Variants in MLLT3 observed in about 807,000 individuals in gnomAD.
MLLT3 encodes protein AF-9.
Under a neutral mutation model 53.2 loss-of-function variants are expected in MLLT3, and 4 were observed. The observed-to-expected ratio is 0.08, with a 90% CI of 0.04 to 0.17. The LOEUF (loss-of-function observed/expected upper bound fraction) is 0.17, where lower values mean the gene tolerates loss of function less well. MLLT3 is among the 10% of genes least tolerant of loss of function. The pLI is 1.00. For missense variants in MLLT3, 569 were observed against 684.0 expected, an observed-to-expected ratio of 0.83 and a Z score of 1.87; for synonymous variants, 283 against 230.6, an observed-to-expected ratio of 1.23 and a Z score of -2.06.
At chr9:20,415,609 G>C (rs1163254525) in intron 4 of MLLT3, among the ~76,000 whole-genome samples, 1 of 151,904 alleles carries the variant, frequency 6.6e-6, no homozygotes, top group Non-Finnish European at 1.5e-5. Flanking sequence ...ACATCTTCAG[G>C]CTTGCTTATT....
At position 20,347,075 on chromosome 9, in the gene MLLT3, CAA is replaced by C. The variant is rs11295975; in HGVS notation, c.1576-503_1576-502del. ...ATAATTTGGAAAATACAGGAACTCC[CAA>C]AAAAAAAAAAAAAAAAAAAGGAAAA... is the stretch of plus-strand genomic sequence containing the variant. On this transcript the variant is annotated intron_variant, in intron 10 of 10. Transcript: ENST00000380338. 7.9e-3 allele frequency among the ~76,000 whole-genome samples: 656 copies of C among 82,996 alleles called. 5 individuals carry two copies. The highest frequency in any genetic ancestry group is 0.021 in the African/African-American group (567 of 27,070). 54.4% of individuals were successfully genotyped at this position (82,996 alleles called of 152,430 possible). A position where few individuals can be genotyped will look rare whatever the true frequency, so the allele number is the denominator to read the frequency against.
chr9:20,424,923 T>C (rs529541449), intron 4 of MLLT3, among the ~76,000 whole-genome samples: 4 of 152,298 alleles, frequency 2.6e-5, no homozygotes, highest in African/African-American at 9.6e-5. Context: ...AAATAACATG[T>C]ATATGCAATG....
rs1820869203 is a variant in MLLT3 at position 20,346,392 on chromosome 9, AACCAAAAAAAAAAAAC to A, written c.*35_*50del. On this transcript the variant is annotated 3_prime_UTR_variant, in exon 11 of 11. Coordinates refer to ENST00000380338, the MANE Select transcript of MLLT3 (RefSeq NM_004529.4). ...AAAAATCACAACCAAAAAAAAAAAA[AACCAAAAAAAAAAAAC>A]ACAATAGTTCTTGATGCATCCAGTT... is the stretch of plus-strand genomic sequence containing the variant. The A allele has an allele frequency of 2.0e-6, 3 of 1,468,168 alleles. No individual in the cohort carries two copies. Among genetic ancestry groups the A allele is most frequent in the Non-Finnish European group, 2.7e-6 (3 of 1,104,756 alleles). 90.9% of individuals were successfully genotyped at this position (1,468,168 alleles called of 1,614,324 possible).
chr9:20,392,611 C>T (rs559210980), intron 5 of MLLT3, among the ~76,000 whole-genome samples: 1 of 152,212 alleles, frequency 6.6e-6, no homozygotes, highest in East Asian at 1.9e-4. Context: ...CATTTCTACT[C>T]GATGAGAATT....
rs552512363 is a variant in MLLT3, at chr9:20,420,402, T to C, written c.421-5977A>G. ...TTGAAAAAAGTTTAAAATAATGGAATGGGCAAAGAAATATCAGCTAAATGC... is the reference window on the plus strand; with the variant it reads ...TTGAAAAAAGTTTAAAATAATGGAACGGGCAAAGAAATATCAGCTAAATGC... On this transcript the variant is annotated intron_variant, in intron 4 of 10. Coordinates refer to ENST00000380338, the MANE Select transcript of MLLT3 (RefSeq NM_004529.4). 2.6e-5 allele frequency among the ~76,000 whole-genome samples: 4 copies of C among 152,274 alleles called. No homozygotes were observed. The East Asian group carries it at 7.7e-4, about 29-fold the overall frequency.
intron 5 of MLLT3, among the ~76,000 whole-genome samples, chr9:20,368,373 AGC>A (rs1387421994): frequency 6.6e-6 from 1 of 152,186 alleles, no homozygotes; most frequent in African/African-American, 2.4e-5. Context: ...TTATTTTGAT[AGC>A]TCTGGAAACC....
intron 2 of MLLT3, among the ~76,000 whole-genome samples, chr9:20,527,396 T>C (rs551305421): frequency 1.3e-5 from 2 of 152,312 alleles, no homozygotes; most frequent in African/African-American, 2.4e-5. Flanking sequence ...GGGCACAAAA[T>C]AGGTTGGATA....
At chr9:20,399,564 T>A (rs778003668) in intron 5 of MLLT3, among the ~76,000 whole-genome samples, 1 of 152,096 alleles carries the variant, frequency 6.6e-6, no homozygotes, top group Non-Finnish European at 1.5e-5. Context: ...TGTGGCAGAT[T>A]ATTTAGAAAA....
At chr9:20,425,098 C>A (rs1048658976) in intron 4 of MLLT3, among the ~76,000 whole-genome samples, 7 of 152,094 alleles carry the variant, frequency 4.6e-5, no homozygotes, top group Non-Finnish European at 1.0e-4. Context: ...TTTAGGATAA[C>A]CTGAACTTGA....
intron 2 of MLLT3, among the ~76,000 whole-genome samples, chr9:20,487,169 A>G (rs1824835661): frequency 6.6e-6 from 1 of 152,144 alleles, no homozygotes; most frequent in Non-Finnish European, 1.5e-5. Context: ...AAAGTTGCGA[A>G]GCAGAGCTAG....
intron 2 of MLLT3, among the ~76,000 whole-genome samples, chr9:20,579,193 C>A (rs1416320593): frequency 6.6e-6 from 1 of 151,906 alleles, no homozygotes; most frequent in Non-Finnish European, 1.5e-5. Context: ...CACAGTGAGA[C>A]TACGTCTCTA....
At chr9:20,529,768 C>G (rs1818285902) in intron 2 of MLLT3, among the ~76,000 whole-genome samples, 1 of 120,228 alleles carries the variant, frequency 8.3e-6, no homozygotes, top group Non-Finnish European at 1.6e-5. Context: ...GGGGTTCTCA[C>G]TGTGTTGCCC....
chr9:20,577,910 T>C (rs1337984307), intron 2 of MLLT3, among the ~76,000 whole-genome samples: 1 of 152,220 alleles, frequency 6.6e-6, no homozygotes, highest in East Asian at 1.9e-4. Flanking sequence ...CTATATTATT[T>C]GGGAATCATT....
rs147850014 is a variant in MLLT3 at position 20,496,454 on chromosome 9, G to A, written c.194-39668C>T. On this transcript the variant is annotated intron_variant, in intron 2 of 10. Transcript: ENST00000380338. ...CCTTCACTCCATTCTATCCCAATTA[G>A]ATCACTCCAAATTATATTCTATATT... Among the ~76,000 whole-genome samples the A allele has an allele frequency of 2.0e-5, 3 of 152,082 alleles. No homozygotes were observed. The East Asian group carries it at 5.8e-4, about 29-fold the overall frequency.
chr9:20,585,197 T>C (rs1210701368), intron 2 of MLLT3, among the ~76,000 whole-genome samples: 1 of 152,170 alleles, frequency 6.6e-6, no homozygotes, highest in Admixed American at 6.6e-5. Context: ...TTCTGACTTG[T>C]AGATGGCCAA....
chr9:20,600,683 C>A (rs1820398681), intron 2 of MLLT3, among the ~76,000 whole-genome samples: 1 of 152,186 alleles, frequency 6.6e-6, no homozygotes, highest in Non-Finnish European at 1.5e-5. Flanking sequence ...CACACACCAT[C>A]TTAAACCTTA....
intron 2 of MLLT3, among the ~76,000 whole-genome samples, chr9:20,505,664 A>C (rs1825363052): frequency 6.6e-6 from 1 of 152,194 alleles, no homozygotes; most frequent in Admixed American, 6.5e-5. Flanking sequence ...GCCTCACTTG[A>C]AGATGTCTGA....
intron 2 of MLLT3, among the ~76,000 whole-genome samples, chr9:20,498,981 A>C (rs1359784254): frequency 1.3e-5 from 2 of 152,234 alleles, no homozygotes; most frequent in East Asian, 1.9e-4. Context: ...TAGAATTCTG[A>C]AATCAAAGTG....
At chr9:20,552,656 C>G (rs1259541549) in intron 2 of MLLT3, among the ~76,000 whole-genome samples, 1 of 151,936 alleles carries the variant, frequency 6.6e-6, no homozygotes, top group Non-Finnish European at 1.5e-5. Context: ...TTTTAAGGAC[C>G]CAAAATAATC....
Sources: allele counts gnomAD v4.1 joint callset (sites outside exome capture counted in the v4.1 genomes callset), GRCh38; gene constraint gnomAD v4.1.1; transcripts MANE v1.5; gene names NCBI Gene and HGNC (gene_info 2026-07-23, HGNC 2026-07-21).